The following PDGFD variants were observed in gnomAD, a reference collection of about 807,000 sequenced individuals.
PDGFD encodes the protein platelet-derived growth factor D.
In PDGFD, 30 loss-of-function variants were observed where a neutral mutation model predicts 44.7. That is an observed-to-expected ratio of 0.67 (90% CI 0.50 to 0.91). The LOEUF (loss-of-function observed/expected upper bound fraction) is 0.91. Among genes scored for constraint, PDGFD ranks in the 40% least tolerant of loss-of-function variants. PDGFD has a pLI of 0.00. For missense variants in PDGFD, 445 were observed against 457.8 expected (o/e 0.97, Z 0.25); for synonymous variants, 173 against 168.4 (o/e 1.03, Z -0.21).
chr11:104,037,164 G>A, intron 1 of PDGFD: 1 of 1,613,250 alleles, frequency 6.2e-7, no homozygotes, highest in Non-Finnish European at 8.5e-7. Flanking sequence ...ACCCTGGACA[G>A]CAGCAGCAGC....
chr11:103,925,587 T>C (rs914261032), intron 6 of PDGFD, among the ~76,000 whole-genome samples: 1 of 150,778 alleles, frequency 6.6e-6, no homozygotes, highest in Non-Finnish European at 1.5e-5. Context: ...TCCACAATAA[T>C]AAAGTAATTA....
chr11:104,000,429 A>G (rs1184786189), intron 1 of PDGFD, among the ~76,000 whole-genome samples, 174 bp from the exon 2 acceptor site: 3 of 152,246 alleles, frequency 2.0e-5, no homozygotes, highest in Non-Finnish European at 2.9e-5. Flanking sequence ...TGGCGTAGCA[A>G]TCTATGTCCA....
intron 3 of PDGFD, among the ~76,000 whole-genome samples, chr11:103,965,000 T>C (rs1858993123): frequency 6.6e-6 from 1 of 151,506 alleles, no homozygotes; most frequent in Non-Finnish European, 1.5e-5. Flanking sequence ...ATGTATTTGA[T>C]AAACAGTAAT....
intron 1 of PDGFD, among the ~76,000 whole-genome samples, chr11:104,125,767 C>A (rs1015332698): frequency 1.3e-5 from 2 of 152,124 alleles, no homozygotes; most frequent in Admixed American, 6.5e-5. Context: ...TGCAAAATAT[C>A]AAACTTCCTA....
At chr11:104,122,232 C>T (rs1038321364) in intron 1 of PDGFD, among the ~76,000 whole-genome samples, 6 of 151,992 alleles carry the variant, frequency 3.9e-5, no homozygotes, top group Admixed American at 6.6e-5. Flanking sequence ...TGGGGCCAGA[C>T]ATATCTAACA....
chr11:104,002,153 T>G (rs535408247), intron 1 of PDGFD, among the ~76,000 whole-genome samples: 19 of 152,244 alleles, frequency 1.2e-4, no homozygotes, highest in Non-Finnish European at 2.8e-4. Context: ...GCTCGTTGAG[T>G]CTTTTCCCTT....
intron 1 of PDGFD, chr11:104,038,710 C>T (rs1296394130): frequency 6.0e-6 from 1 of 166,910 alleles, no homozygotes; most frequent in Non-Finnish European, 1.5e-5. Context: ...CTCCTGCATT[C>T]AAAGAAACTC....
chr11:104,157,554 C>T (rs2119925484), intron 1 of PDGFD, among the ~76,000 whole-genome samples: 1 of 152,232 alleles, frequency 6.6e-6, no homozygotes, highest in African/African-American at 2.4e-5. Flanking sequence ...CTGTTCTATC[C>T]CCCTTCTCCC....
intron 1 of PDGFD, among the ~76,000 whole-genome samples, chr11:104,024,236 A>G (rs1007737530): frequency 2.6e-5 from 4 of 152,164 alleles, no homozygotes; most frequent in African/African-American, 9.6e-5. Flanking sequence ...ATCTCCAAGT[A>G]TAGGCTTTAA....
intron 6 of PDGFD, among the ~76,000 whole-genome samples, chr11:103,916,475 T>G (rs898730117): frequency 6.6e-6 from 1 of 152,314 alleles, no homozygotes; most frequent in Non-Finnish European, 1.5e-5. Flanking sequence ...TAGGAACACT[T>G]TTCCACTGTT....
At chr11:104,111,110 T>C (rs957150568) in intron 1 of PDGFD, among the ~76,000 whole-genome samples, 2 of 152,060 alleles carry the variant, frequency 1.3e-5, no homozygotes, top group Non-Finnish European at 2.9e-5. Flanking sequence ...TGATTATAAC[T>C]ACACAAACAG....
rs1198529368 is a variant in PDGFD, at chr11:103,925,716, C to CACATATATATAT, written c.987+1195_987+1196insATATATATATGT. ...ATATATATACACAGACACACACACA[C>CACATATATATAT]ATATATATATATATATATATGTAAT... On this transcript the variant is annotated intron_variant, in intron 6 of 6. Transcript: ENST00000393158. Among the ~76,000 whole-genome samples, 625 of 122,716 alleles carry CACATATATATAT rather than the reference C, an allele frequency of 5.1e-3. 9 individuals carry two copies. The highest frequency in any genetic ancestry group is 0.019 in the African/African-American group (590 of 31,040). 80.5% of individuals were successfully genotyped at this position (122,716 alleles called of 152,430 possible). A position where few individuals can be genotyped will look rare whatever the true frequency, so the allele number is the denominator to read the frequency against.
intron 6 of PDGFD, among the ~76,000 whole-genome samples, chr11:103,921,932 C>T (rs1362543973): frequency 7.3e-6 from 1 of 137,626 alleles, no homozygotes; most frequent in Non-Finnish European, 1.6e-5. Context: ...ATTTCAAGTG[C>T]CCAACAGCCA....
At chr11:104,110,938 T>C (rs1861545729) in intron 1 of PDGFD, among the ~76,000 whole-genome samples, 1 of 152,190 alleles carries the variant, frequency 6.6e-6, no homozygotes, top group Admixed American at 6.6e-5. Context: ...TCATTACATA[T>C]GTTACCAAAA....
At chr11:103,983,379 G>A (rs1859303455) in intron 3 of PDGFD, among the ~76,000 whole-genome samples, 1 of 151,796 alleles carries the variant, frequency 6.6e-6, no homozygotes, top group African/African-American at 2.4e-5. Context: ...GCAGAAGATT[G>A]AAACTGGACC....
At chr11:104,016,818 A>T (rs1283057082) in intron 1 of PDGFD, among the ~76,000 whole-genome samples, 5 of 152,222 alleles carry the variant, frequency 3.3e-5, no homozygotes, top group Non-Finnish European at 7.3e-5. Context: ...TTTGGTGTAA[A>T]GGTGGGATTG....
At position 103,947,390 on chromosome 11, in the gene PDGFD, C is replaced by T. The variant is rs545963073; in HGVS notation, c.573+272G>A. The stretch of plus-strand genomic sequence containing the variant: ...TTTGGACAGACCTTTAATTGGAATG[C>T]TCTGCTCTGAAAATGAAAAATATTT... On this transcript the variant is annotated intron_variant, in intron 4 of 6. Transcript: ENST00000393158. Among the ~76,000 whole-genome samples the T allele has an allele frequency of 4.6e-5, 7 of 152,284 alleles. No individual in the cohort carries two copies. In the East Asian group the frequency reaches 1.2e-3, roughly 25 times the overall value.
At chr11:103,929,493 T>A (rs1215213538) in intron 5 of PDGFD, among the ~76,000 whole-genome samples, 1 of 152,226 alleles carries the variant, frequency 6.6e-6, no homozygotes, top group African/African-American at 2.4e-5. Flanking sequence ...TCATTCTATT[T>A]GAAACCAAAC....
intron 1 of PDGFD, among the ~76,000 whole-genome samples, chr11:104,063,988 G>A (rs1860750816): frequency 6.6e-6 from 1 of 152,160 alleles, no homozygotes; most frequent in South Asian, 2.1e-4. Context: ...CAGGTTTTAT[G>A]GTAAGTGGTG....
Sources: allele counts gnomAD v4.1 joint callset (sites outside exome capture counted in the v4.1 genomes callset), GRCh38; gene constraint gnomAD v4.1.1; transcripts MANE v1.5; gene names NCBI Gene and HGNC (gene_info 2026-07-23, HGNC 2026-07-21).